TDRP: variants seen among roughly 807,000 people sequenced by gnomAD.
The protein encoded by TDRP is testis development related protein.
Under a neutral mutation model 10.5 loss-of-function variants are expected in TDRP, and 12 were observed. The observed-to-expected ratio is 1.15, with a 90% confidence interval of 0.73 to 1.86. The LOEUF (loss-of-function observed/expected upper bound fraction) is 1.86, where lower values mean the gene tolerates loss of function less well. TDRP is among the 40% of genes most tolerant of loss of function. The probability of loss-of-function intolerance (pLI) is 0.00; values close to 1 mark genes in which losing one functional copy is unlikely to be tolerated. For missense variants in TDRP, 353 were observed against 229.2 expected (o/e 1.54, Z -3.49); for synonymous variants, 139 against 95.4 (o/e 1.46, Z -2.67).
intron 1 of TDRP, among the ~76,000 whole-genome samples, chr8:504,240 A>G (rs180675173): frequency 2.6e-5 from 4 of 152,294 alleles, no homozygotes; most frequent in African/African-American, 9.6e-5. Flanking sequence ...CTGCAAACAT[A>G]TCTTTTAAAA....
At chr8:498,756 T>C (rs1259119751) in intron 1 of TDRP, among the ~76,000 whole-genome samples, 1 of 152,140 alleles carries the variant, frequency 6.6e-6, no homozygotes, top group African/African-American at 2.4e-5. Context: ...CAAACTATAA[T>C]CCCCACATGT....
At chr8:538,488 G>A (rs947662529) in intron 1 of TDRP, among the ~76,000 whole-genome samples, 3 of 152,116 alleles carry the variant, frequency 2.0e-5, no homozygotes, top group African/African-American at 4.8e-5. Context: ...GCTAAGCACC[G>A]CCTCAATAAA....
At chr8:539,394 C>A (rs376041750) in intron 1 of TDRP, among the ~76,000 whole-genome samples, 2 of 152,188 alleles carry the variant, frequency 1.3e-5, no homozygotes, top group African/African-American at 4.8e-5. Flanking sequence ...GCCTCTGGAA[C>A]TGGAGAAATA....
intron 2 of TDRP, 68 bp from the exon 3 acceptor site, chr8:492,812 C>G (rs1404368427): frequency 8.1e-7 from 1 of 1,230,012 alleles, no homozygotes; most frequent in African/African-American, 1.5e-5. Flanking sequence ...ATCCATTTTA[C>G]AAACATAAAA....
At chr8:496,393 T>C (rs1485749727) in intron 1 of TDRP, among the ~76,000 whole-genome samples, 1 of 152,226 alleles carries the variant, frequency 6.6e-6, no homozygotes, top group Non-Finnish European at 1.5e-5. Flanking sequence ...GTGCAGTCAC[T>C]ATGTGCCCAG....
intron 1 of TDRP, among the ~76,000 whole-genome samples, chr8:525,880 T>C (rs1039728394): frequency 1.3e-5 from 2 of 152,146 alleles, no homozygotes; most frequent in Non-Finnish European, 2.9e-5. Context: ...ACAATTGCTA[T>C]TAGTATTTCT....
At chr8:504,447 C>G (rs1801399518) in intron 1 of TDRP, among the ~76,000 whole-genome samples, 1 of 152,134 alleles carries the variant, frequency 6.6e-6, no homozygotes, top group Non-Finnish European at 1.5e-5. Context: ...CTAGAGCAGT[C>G]CAGGAGCCCC....
At position 492,171 on chromosome 8, in the gene TDRP, A is replaced by G; in HGVS notation, c.*228T>C. On this transcript the variant is annotated 3_prime_UTR_variant, in exon 3 of 3. Transcript: ENST00000324079. ...CAGTTTCTGCAAAACATGGACTGAT[A>G]GGTGAATATTTCTGCAATAAGGCAA... is the stretch of plus-strand genomic sequence containing the variant. 7.9e-7 allele frequency: 1 copy of G among 1,258,442 alleles called. No homozygotes were observed. Among genetic ancestry groups the G allele is most frequent in the South Asian group, 3.7e-5 (1 of 27,042 alleles). 78.0% of individuals were successfully genotyped at this position (1,258,442 alleles called of 1,614,324 possible).
intron 1 of TDRP, among the ~76,000 whole-genome samples, chr8:539,252 G>T (rs1319892175): frequency 6.6e-6 from 1 of 152,158 alleles, no homozygotes. Flanking sequence ...ACGATGGGAT[G>T]AGTGTCCTAA....
At chr8:539,874 C>T (rs1802447220) in intron 1 of TDRP, among the ~76,000 whole-genome samples, 1 of 152,206 alleles carries the variant, frequency 6.6e-6, no homozygotes, top group South Asian at 2.1e-4. Context: ...TGGCTCTCCC[C>T]ATCTCCAAGC....
At chr8:521,000 T>C (rs918464592) in intron 1 of TDRP, among the ~76,000 whole-genome samples, 16 of 152,280 alleles carry the variant, frequency 1.1e-4, no homozygotes, top group South Asian at 4.1e-4. Flanking sequence ...CAAGAAATCA[T>C]TGCCAAATCC....
chr8:506,310 C>A (rs145438009), intron 1 of TDRP, among the ~76,000 whole-genome samples: 1 of 152,256 alleles, frequency 6.6e-6, no homozygotes, highest in Non-Finnish European at 1.5e-5. Context: ...CCTCCCAGCT[C>A]GGCAGCGGGG....
intron 1 of TDRP, among the ~76,000 whole-genome samples, chr8:501,940 T>C (rs1801314875): frequency 6.6e-6 from 1 of 152,148 alleles, no homozygotes; most frequent in Non-Finnish European, 1.5e-5. Context: ...CCCAGAACAG[T>C]TCTGGACAAA....
chr8:528,416 C>G (rs1802094328), intron 1 of TDRP, among the ~76,000 whole-genome samples: 1 of 130,884 alleles, frequency 7.6e-6, no homozygotes, highest in Admixed American at 8.3e-5. Flanking sequence ...AGATATATAC[C>G]CAAAAGAAAG....
At chr8:537,619 C>G (rs1027326965) in intron 1 of TDRP, among the ~76,000 whole-genome samples, 4 of 152,172 alleles carry the variant, frequency 2.6e-5, no homozygotes, top group Non-Finnish European at 2.9e-5. Flanking sequence ...TTTTAGAAGT[C>G]TTCATTGGTC....
At chr8:531,876 G>C (rs1192490126) in intron 1 of TDRP, among the ~76,000 whole-genome samples, 2 of 152,108 alleles carry the variant, frequency 1.3e-5, no homozygotes, top group South Asian at 4.1e-4. Flanking sequence ...TTTCAACCTA[G>C]TATTTTATGG....
intron 1 of TDRP, among the ~76,000 whole-genome samples, chr8:535,046 A>T (rs1802308981): frequency 6.6e-6 from 1 of 152,238 alleles, no homozygotes. Context: ...TCTTTCAAAC[A>T]CTAGAACTAG....
chr8:543,404 T>C (rs1328944229), intron 1 of TDRP, among the ~76,000 whole-genome samples: 1 of 152,218 alleles, frequency 6.6e-6, no homozygotes, highest in Non-Finnish European at 1.5e-5. Flanking sequence ...TTTAAAATTC[T>C]CAAGGCTCTA....
rs1563113666 is a variant in TDRP, at chr8:491,834, T to C, written c.*565A>G. Reference sequence around the variant, plus strand: ...CAAAAGATGAACATGCATTTTAAGATACATTTTACTCCCAAATATAAGCTT... The same window carrying C: ...CAAAAGATGAACATGCATTTTAAGACACATTTTACTCCCAAATATAAGCTT... On this transcript the variant is annotated 3_prime_UTR_variant, in exon 3 of 3. Transcript: ENST00000324079. The C allele has an allele frequency of 4.1e-6, 5 of 1,232,742 alleles. No homozygotes were observed. Among genetic ancestry groups the C allele is most frequent in the Non-Finnish European group, 5.1e-6 (5 of 987,452 alleles). 76.4% of individuals were successfully genotyped at this position (1,232,742 alleles called of 1,614,324 possible). A position where few individuals can be genotyped will look rare whatever the true frequency, so the allele number is the denominator to read the frequency against.
Sources: gnomAD v4.1 joint callset for allele counts (sites outside exome capture counted in the v4.1 genomes callset) on GRCh38, gnomAD v4.1.1 for gene constraint, MANE v1.5 for transcripts, NCBI Gene and HGNC (gene_info 2026-07-23, HGNC 2026-07-21) for gene names.